Variants in HSP90AA1 observed in about 807,000 individuals in gnomAD.
The protein encoded by HSP90AA1 is heat shock protein HSP 90-alpha.
HSP90AA1 carries 18 observed loss-of-function variants against 73.3 expected under a neutral mutation model. The ratio of observed to expected loss-of-function variants is 0.25; its 90% CI spans 0.17 to 0.36. HSP90AA1 has a LOEUF of 0.36. Among genes scored for constraint, HSP90AA1 ranks in the 10% least tolerant of loss-of-function variants. The pLI, the probability that HSP90AA1 is intolerant of heterozygous loss-of-function variation, is 1.00. For synonymous variants in HSP90AA1, 477 were observed against 296.9 expected, an observed-to-expected ratio of 1.61 and a Z score of -6.24; for missense variants, 704 against 874.2, an observed-to-expected ratio of 0.81 and a Z score of 2.45.
At chr14:102,114,259 G>A (rs2049680113) in intron 1 of HSP90AA1, among the ~76,000 whole-genome samples, 1 of 151,996 alleles carries the variant, frequency 6.6e-6, no homozygotes, top group Admixed American at 6.6e-5. Flanking sequence ...AAAGTGCTGA[G>A]ATTGCTGGGA....
At position 102,084,801 on chromosome 14, in the gene HSP90AA1, T is replaced by C. The variant is rs1298121758; in HGVS notation, c.861A>G (p.Gln287=). 6.2e-7 allele frequency: 1 copy of C among 1,613,784 alleles called. No homozygotes were observed. Among genetic ancestry groups the C allele is most frequent in the Non-Finnish European group, 8.5e-7 (1 of 1,179,768 alleles). ...KKKIKEKYID[Q]EELNKTKPIW... ...TGGGCTTTGTTTTGTTGAGCTCTTC[T>C]TGATCGATGTACTTTTCCTTAATCT... The change falls in exon 5 of 11, where the codon CAA becomes CAG. Residue 287 remains glutamine (Q), a synonymous_variant. Transcript: ENST00000216281.
At chr14:102,096,467 A>C (rs924330728) in intron 2 of HSP90AA1, among the ~76,000 whole-genome samples, 5 of 152,056 alleles carry the variant, frequency 3.3e-5, no homozygotes, top group Non-Finnish European at 7.4e-5. Flanking sequence ...TCATCTCTTC[A>C]TGCTGGGTTG....
At chr14:102,136,530 C>G (rs1163322067) in intron 1 of HSP90AA1, among the ~76,000 whole-genome samples, 2 of 117,946 alleles carry the variant, frequency 1.7e-5, no homozygotes, top group Non-Finnish European at 3.3e-5. Flanking sequence ...GATCATGCCA[C>G]TGCACTCCAG....
Position 102,085,773 on chromosome 14 carries a change from C to G in HSP90AA1, c.514G>C (p.Val172Leu), listed in dbSNP as rs1408348864. ...AGGTGCCTACCTGTGTCTGTCCTCACTGTGAATGATCCCCCTGCTGAGGAC... is the reference window on the plus strand; with the variant it reads ...AGGTGCCTACCTGTGTCTGTCCTCAGTGTGAATGATCCCCCTGCTGAGGAC... ...WESSAGGSFT[V>L]RTDTGEPMGR... is the part of the protein sequence containing the mutation. Residue 172 changes from valine (V) to leucine (L), a missense_variant, in exon 3 of 11, where the codon GTG (valine) becomes CTG (leucine). Val to Leu is a conservative substitution (Grantham distance 32). Coordinates refer to ENST00000216281, the MANE Select transcript of HSP90AA1 (RefSeq NM_005348.4). The G allele has an allele frequency of 1.2e-6, 2 of 1,613,996 alleles. No individual in the cohort carries two copies. The highest frequency in any genetic ancestry group is 1.7e-6 in the Non-Finnish European group (2 of 1,179,868).
Position 102,081,031 on chromosome 14 carries a change from G to C in HSP90AA1, c.*681C>G, listed in dbSNP as rs1203044984. 2 of 227,370 alleles carry C rather than the reference G, an allele frequency of 8.8e-6. No individual in the cohort carries two copies. The highest frequency in any genetic ancestry group is 1.7e-5 in the Non-Finnish European group (2 of 114,496). 14.1% of individuals were successfully genotyped at this position (227,370 alleles called of 1,614,324 possible). A position where few individuals can be genotyped will look rare whatever the true frequency, so the allele number is the denominator to read the frequency against. ...GATACTCCCCTTTCCCCCTAAATAA[G>C]ACACTGTCACACAATATCTTTTAAC... On this transcript the variant is annotated 3_prime_UTR_variant, in exon 11 of 11. Coordinates refer to ENST00000216281, the MANE Select transcript of HSP90AA1 (RefSeq NM_005348.4).
At chr14:102,116,079 G>A (rs2049702701) in intron 1 of HSP90AA1, among the ~76,000 whole-genome samples, 1 of 151,840 alleles carries the variant, frequency 6.6e-6, no homozygotes, top group Non-Finnish European at 1.5e-5. Flanking sequence ...AGCCTCCTAA[G>A]TAGTTGAGAC....
At chr14:102,097,602 C>T (rs1026564873) in intron 2 of HSP90AA1, among the ~76,000 whole-genome samples, 7 of 151,904 alleles carry the variant, frequency 4.6e-5, no homozygotes, top group African/African-American at 1.7e-4. Flanking sequence ...CTAGCTGGTC[C>T]GTCCAGTGCC....
intron 10 of HSP90AA1, 64 bp from the exon 11 acceptor site, chr14:102,081,885 T>TC (rs1354588177): frequency 1.2e-6 from 1 of 861,150 alleles, no homozygotes. Context: ...AGGGTAATAC[T>TC]CTTGGTTTCT....
chr14:102,125,053 G>A (rs1283848368), intron 1 of HSP90AA1, among the ~76,000 whole-genome samples: 20 of 152,088 alleles, frequency 1.3e-4, no homozygotes, highest in Non-Finnish European at 2.6e-4. Flanking sequence ...GTTCAGTGGT[G>A]TGATCACAGC....
chr14:102,090,229 T>C (rs1366216300), upstream of HSP90AA1, among the ~76,000 whole-genome samples: 2 of 152,200 alleles, frequency 1.3e-5, no homozygotes, highest in Non-Finnish European at 2.9e-5. Context: ...AATTAATTTT[T>C]AATGGATCTT....
chr14:102,084,070 A>T, intron 6 of HSP90AA1, 87 bp from the exon 7 acceptor site: 1 of 1,022,414 alleles, frequency 9.8e-7, no homozygotes. Flanking sequence ...GATAACCTGA[A>T]GATGATGGGA....
intron 1 of HSP90AA1, among the ~76,000 whole-genome samples, chr14:102,136,936 G>A (rs1381663288): frequency 4.6e-5 from 7 of 151,708 alleles, no homozygotes; most frequent in African/African-American, 1.5e-4. Flanking sequence ...GTTTGAGGCC[G>A]GGCGCGGTGG....
intron 1 of HSP90AA1, among the ~76,000 whole-genome samples, chr14:102,113,466 C>CCAGGTTCAA (rs1566731861): frequency 1.3e-5 from 2 of 151,114 alleles, no homozygotes. Flanking sequence ...CTGTAACCTC[C>CCAGGTTCAA]GCCTCCCAGG....
At chr14:102,084,611 G>A in intron 5 of HSP90AA1, 47 bp from the exon 6 acceptor site, 5 of 1,614,162 alleles carry the variant, frequency 3.1e-6, no homozygotes, top group Non-Finnish European at 4.2e-6. Context: ...ATGCATTATA[G>A]AAGATATTTG....
chr14:102,114,129 A>G (rs2049678295), intron 1 of HSP90AA1, among the ~76,000 whole-genome samples: 1 of 152,156 alleles, frequency 6.6e-6, no homozygotes, highest in Admixed American at 6.6e-5. Context: ...AGCTGGGACT[A>G]CAGGCGTGCG....
Position 102,084,497 on chromosome 14 carries a change from T to A in HSP90AA1, c.1049A>T (p.Asp350Val), listed in dbSNP as rs1318667609. ...LLFVPRRAPFDLFENRKKKNN... is the reference protein window; with the variant it reads ...LLFVPRRAPFVLFENRKKKNN... ...CTTTTTCTTTCTGTTTTCAAACAGA[T>A]CAAAAGGAGCACGTCGTGGGACAAA... Residue 350 changes from aspartate to valine, a missense_variant, in exon 6 of 11, where the codon GAT becomes GTT. Coordinates refer to ENST00000216281, the MANE Select transcript of HSP90AA1 (RefSeq NM_005348.4). 1 of 1,614,036 alleles carries A rather than the reference T, an allele frequency of 6.2e-7. No homozygotes were observed. Among genetic ancestry groups the A allele is most frequent in the Non-Finnish European group, 8.5e-7 (1 of 1,179,854 alleles).
At chr14:102,127,350 A>T (rs940469342) in intron 1 of HSP90AA1, among the ~76,000 whole-genome samples, 1 of 152,222 alleles carries the variant, frequency 6.6e-6, no homozygotes, top group Non-Finnish European at 1.5e-5. Context: ...CATGAGTTCT[A>T]TCTACAAAAA....
At chr14:102,086,462 T>C in intron 1 of HSP90AA1, 84 bp from the exon 2 acceptor site, 1 of 1,479,746 alleles carries the variant, frequency 6.8e-7, no homozygotes, top group Non-Finnish European at 9.5e-7. Flanking sequence ...CCAAATATTT[T>C]TAAAGCCGAA....
At chr14:102,091,973 A>G (rs2049364466), upstream of HSP90AA1, among the ~76,000 whole-genome samples, 1 of 151,936 alleles carries the variant, frequency 6.6e-6, no homozygotes, top group Admixed American at 6.6e-5. Context: ...TTCAGCTCAA[A>G]ATATTTTTAA....
Sources: allele counts gnomAD v4.1 joint callset (sites outside exome capture counted in the v4.1 genomes callset), GRCh38; gene constraint gnomAD v4.1.1; transcripts MANE v1.5; gene names NCBI Gene and HGNC (gene_info 2026-07-23, HGNC 2026-07-21).